Variants in IFT52 observed in about 807,000 individuals in gnomAD.
IFT52 encodes intraflagellar transport protein 52 homolog.
A neutral mutation model predicts 54.4 loss-of-function variants in IFT52; 44 were observed. That is an observed-to-expected ratio of 0.81 (90% confidence interval 0.63 to 1.04). The LOEUF is 1.04. IFT52 is among the 50% of genes least tolerant of loss of function. IFT52 has a pLI of 0.00. For synonymous variants in IFT52, 181 were observed against 185.3 expected, an observed-to-expected ratio of 0.98 and a Z score of 0.19; for missense variants, 452 against 523.6, an observed-to-expected ratio of 0.86 and a Z score of 1.33.
chr20:43,602,005 G>A (rs1257829193), intron 3 of IFT52, among the ~76,000 whole-genome samples: 3 of 152,116 alleles, frequency 2.0e-5, no homozygotes, highest in Admixed American at 6.5e-5. Context: ...TCAAGGAACC[G>A]ATAGTCTAGG....
At chr20:43,626,264 C>CTT (rs1193799201) in intron 10 of IFT52, among the ~76,000 whole-genome samples, 3 of 138,940 alleles carry the variant, frequency 2.2e-5, no homozygotes, top group African/African-American at 2.6e-5. Flanking sequence ...ACATCTTTTC[C>CTT]TTTTTTTTTT....
intron 13 of IFT52, 115 bp from the exon 14 acceptor site, chr20:43,646,821 G>T: frequency 1.1e-6 from 1 of 900,498 alleles, no homozygotes; most frequent in Non-Finnish European, 1.8e-6. Flanking sequence ...CAGATATTAT[G>T]TATATGTCCT....
Position 43,624,238 on chromosome 20 carries a change from T to C in IFT52, c.923+193T>C, listed in dbSNP as rs1421309434. Reference sequence around the variant, plus strand: ...GATGTAGAGGAACTGCCAGAGGTTATTAGCCCCTGCGTGTTCCAGATTCTG... The same window carrying C: ...GATGTAGAGGAACTGCCAGAGGTTACTAGCCCCTGCGTGTTCCAGATTCTG... On this transcript the variant is annotated intron_variant, in intron 10 of 13. Coordinates refer to ENST00000373030, the MANE Select transcript of IFT52 (RefSeq NM_016004.5). The C allele has an allele frequency of 1.6e-5, 10 of 626,818 alleles. No individual in the cohort carries two copies. In the East Asian group the frequency reaches 1.9e-4, roughly 12 times the overall value. 38.8% of individuals were successfully genotyped at this position (626,818 alleles called of 1,614,324 possible).
intron 8 of IFT52, 76 bp downstream of exon 8, chr20:43,619,102 T>C: frequency 3.8e-6 from 4 of 1,053,600 alleles, no homozygotes; most frequent in Non-Finnish European, 5.7e-6. Flanking sequence ...CTGGTAAGTT[T>C]ATTTGCTCAT....
At chr20:43,607,801 G>C (rs1983069247) in intron 6 of IFT52, among the ~76,000 whole-genome samples, 1 of 152,092 alleles carries the variant, frequency 6.6e-6, no homozygotes, top group South Asian at 2.1e-4. Flanking sequence ...CAGGCGGCTG[G>C]GAGGTGGAGG....
chr20:43,609,746 G>A (rs886735517), intron 6 of IFT52, among the ~76,000 whole-genome samples: 5 of 148,620 alleles, frequency 3.4e-5, no homozygotes, highest in Non-Finnish European at 5.9e-5. Flanking sequence ...TTGCACTCCG[G>A]CCTGGGCAAC....
At chr20:43,626,598 T>C (rs560489679) in intron 10 of IFT52, among the ~76,000 whole-genome samples, 2 of 152,268 alleles carry the variant, frequency 1.3e-5, no homozygotes, top group African/African-American at 4.8e-5. Flanking sequence ...TTTTTTGCCT[T>C]TTTTTCTTTC....
chr20:43,598,928 G>T (rs568745074), intron 3 of IFT52, among the ~76,000 whole-genome samples: 1 of 152,126 alleles, frequency 6.6e-6, no homozygotes, highest in Non-Finnish European at 1.5e-5. Flanking sequence ...GCAGGCCAAG[G>T]TCTCCTGCTG....
At chr20:43,631,103 C>G (rs191801338) in intron 10 of IFT52, among the ~76,000 whole-genome samples, 90 of 152,292 alleles carry the variant, frequency 5.9e-4, no homozygotes, top group African/African-American at 1.9e-3. Flanking sequence ...AGTAAAGATT[C>G]TGGTTGGCAG....
At chr20:43,637,056 A>G (rs1985584027) in intron 11 of IFT52, 89 bp from the exon 12 acceptor site, 2 of 854,576 alleles carry the variant, frequency 2.3e-6, no homozygotes, top group South Asian at 2.9e-5. Context: ...ACTGTTAGTT[A>G]TGATTTTGGA....
At chr20:43,602,594 C>T (rs926655000) in intron 3 of IFT52, among the ~76,000 whole-genome samples, 7 of 152,142 alleles carry the variant, frequency 4.6e-5, no homozygotes, top group Non-Finnish European at 1.5e-5. Context: ...CTGCAACCTC[C>T]ACCACCTGGG....
chr20:43,636,597 G>C (rs56272834), intron 11 of IFT52, among the ~76,000 whole-genome samples: 18,852 of 151,980 alleles, frequency 0.12, 1,616 homozygotes, highest in Non-Finnish European at 0.19. Flanking sequence ...TGTTTTGAAA[G>C]TAGTTAAACA....
intron 12 of IFT52, 91 bp from the exon 13 acceptor site, chr20:43,642,388 C>G (rs1985974000): frequency 1.2e-5 from 14 of 1,173,262 alleles, no homozygotes; most frequent in Non-Finnish European, 1.7e-5. Context: ...AATGTGGAAA[C>G]ATGACAGGGC....
chr20:43,607,819 G>C (rs902305747), intron 6 of IFT52, among the ~76,000 whole-genome samples: 1 of 152,084 alleles, frequency 6.6e-6, no homozygotes, highest in African/African-American at 2.4e-5. Context: ...AGGTTGTAGC[G>C]AGCCGAGATC....
At chr20:43,606,565 G>A (rs1038703238) in intron 6 of IFT52, among the ~76,000 whole-genome samples, 1 of 151,556 alleles carries the variant, frequency 6.6e-6, no homozygotes, top group African/African-American at 2.4e-5. Flanking sequence ...ATCTTTGTAT[G>A]TACAGTTTTG....
At chr20:43,609,538 G>A (rs953423784) in intron 6 of IFT52, among the ~76,000 whole-genome samples, 5 of 152,078 alleles carry the variant, frequency 3.3e-5, no homozygotes, top group African/African-American at 7.2e-5. Context: ...TTGGGAGGCC[G>A]AGGTGGGCGG....
chr20:43,616,851 C>G (rs1200597999), intron 7 of IFT52, among the ~76,000 whole-genome samples: 2 of 151,876 alleles, frequency 1.3e-5, no homozygotes, highest in Non-Finnish European at 2.9e-5. Flanking sequence ...TAAGACCTGT[C>G]TCTACGAAAA....
intron 7 of IFT52, among the ~76,000 whole-genome samples, chr20:43,614,833 G>A (rs1435070511): frequency 1.4e-5 from 2 of 148,022 alleles, no homozygotes; most frequent in Non-Finnish European, 3.0e-5. Context: ...TTTTGAGATG[G>A]AGTCTCACTC....
At chr20:43,612,081 C>T (rs1398208264) in intron 6 of IFT52, among the ~76,000 whole-genome samples, 1 of 152,046 alleles carries the variant, frequency 6.6e-6, no homozygotes, top group African/African-American at 2.4e-5. Flanking sequence ...TCTTGCTACT[C>T]AAGTGTCCGT....
Sources: gnomAD v4.1 joint callset for allele counts (sites outside exome capture counted in the v4.1 genomes callset) on GRCh38, gnomAD v4.1.1 for gene constraint, MANE v1.5 for transcripts, NCBI Gene and HGNC (gene_info 2026-07-23, HGNC 2026-07-21) for gene names.